Variants in B4GALT5 observed in about 807,000 individuals in gnomAD.
B4GALT5 encodes UDP-Gal:beta-GlcNAc beta-1,4-galactosyltransferase 5.
B4GALT5 carries 11 observed loss-of-function variants against 45.0 expected under a neutral mutation model. The ratio of observed to expected loss-of-function variants is 0.24; its 90% CI spans 0.15 to 0.40. The LOEUF (loss-of-function observed/expected upper bound fraction) is 0.40, where lower values mean the gene tolerates loss of function less well. B4GALT5 is among the 10% of genes least tolerant of loss of function. B4GALT5 has a pLI of 1.00. For synonymous variants in B4GALT5, 185 were observed against 182.9 expected (o/e 1.01, Z -0.09); for missense variants, 337 against 500.2 (o/e 0.67, Z 3.11).
chr20:49,706,902 G>C (rs886182756), intron 1 of B4GALT5, among the ~76,000 whole-genome samples: 1 of 152,162 alleles, frequency 6.6e-6, no homozygotes, highest in African/African-American at 2.4e-5. Context: ...GCAAAATTTA[G>C]GGAAGCAAGA....
At chr20:49,643,925 T>C (rs77744252) in intron 3 of B4GALT5, among the ~76,000 whole-genome samples, 1 of 28,774 alleles carries the variant, frequency 3.5e-5, no homozygotes, top group Non-Finnish European at 7.5e-5. Context: ...AGCTGAGCTT[T>C]TTTTTTTTTT....
At chr20:49,639,831 G>C in intron 6 of B4GALT5, 31 bp from the exon 7 acceptor site, 1 of 1,609,156 alleles carries the variant, frequency 6.2e-7, no homozygotes. Flanking sequence ...TCAATCATCT[G>C]TGTGTTACAG....
intron 1 of B4GALT5, among the ~76,000 whole-genome samples, chr20:49,706,417 T>C (rs564621411): frequency 5.3e-5 from 8 of 152,282 alleles, no homozygotes; most frequent in Non-Finnish European, 2.9e-5. Flanking sequence ...AATTCTCAAC[T>C]TTGGGCAAGT....
intron 1 of B4GALT5, among the ~76,000 whole-genome samples, chr20:49,691,003 T>G (rs1360371974): frequency 6.6e-6 from 1 of 152,224 alleles, no homozygotes; most frequent in Non-Finnish European, 1.5e-5. Flanking sequence ...TAATTTAACG[T>G]AAATTAGCAG....
At chr20:49,673,507 G>T (rs549288911) in intron 1 of B4GALT5, among the ~76,000 whole-genome samples, 1 of 152,240 alleles carries the variant, frequency 6.6e-6, no homozygotes, top group East Asian at 1.9e-4. Flanking sequence ...CAGTGGATGG[G>T]GTGAGAAAGC....
At chr20:49,690,560 AG>A (rs529720451) in intron 1 of B4GALT5, among the ~76,000 whole-genome samples, 9 of 149,372 alleles carry the variant, frequency 6.0e-5, no homozygotes, top group East Asian at 2.0e-4. Flanking sequence ...AAAAAAAAAA[AG>A]GGGGGGGTGA....
intron 1 of B4GALT5, among the ~76,000 whole-genome samples, chr20:49,682,771 T>C (rs1390935412): frequency 6.6e-6 from 1 of 151,970 alleles, no homozygotes; most frequent in Non-Finnish European, 1.5e-5. Flanking sequence ...TTAAGAGTAT[T>C]ATTAGTGAGC....
intron 1 of B4GALT5, among the ~76,000 whole-genome samples, chr20:49,696,945 A>AT (rs949699244): frequency 1.3e-5 from 2 of 152,226 alleles, no homozygotes; most frequent in Admixed American, 6.5e-5. Flanking sequence ...ACAACCTGAA[A>AT]CTATAGCTTC....
chr20:49,661,588 G>A (rs754745536), intron 1 of B4GALT5, among the ~76,000 whole-genome samples: 2 of 152,176 alleles, frequency 1.3e-5, no homozygotes, highest in African/African-American at 2.4e-5. Context: ...CTGCGCAACA[G>A]TGGCTGAATC....
In B4GALT5 at chr20:49,633,614, G is replaced by C. The variant is rs936670001; in HGVS notation, c.*2698C>G. 1 of 152,116 alleles carries C rather than the reference G, an allele frequency of 6.6e-6. No individual in the cohort carries two copies. The highest frequency in any genetic ancestry group is 1.5e-5 in the Non-Finnish European group (1 of 68,006). 9.4% of individuals were successfully genotyped at this position (152,116 alleles called of 1,614,324 possible). ...CAGACATGACCGCAAAGGTATCAAA[G>C]TGACCCCACTTTAAGCAGTGAAAAA... On this transcript the variant is annotated 3_prime_UTR_variant, in exon 9 of 9. Transcript: ENST00000371711.
At chr20:49,703,986 T>C (rs187175743) in intron 1 of B4GALT5, among the ~76,000 whole-genome samples, 135 of 152,330 alleles carry the variant, frequency 8.9e-4, no homozygotes, top group African/African-American at 2.9e-3. Flanking sequence ...CTTCCTTAGG[T>C]TGGCAATTCT....
chr20:49,637,876 T>C (rs2085560738), intron 7 of B4GALT5, among the ~76,000 whole-genome samples: 1 of 151,782 alleles, frequency 6.6e-6, no homozygotes, highest in Non-Finnish European at 1.5e-5. Context: ...GAGGCAAAGG[T>C]TGCAGTGAGC....
At position 49,636,296 on chromosome 20, in the gene B4GALT5, C is replaced by G; in HGVS notation, c.*16G>C. On this transcript the variant is annotated 3_prime_UTR_variant, in exon 9 of 9. Transcript: ENST00000371711. ...TCTTGGTGGCGGTGGGTAAAGCAAA[C>G]GTACATTCTCTCCTCTCAGTACTCG... 1 of 1,612,912 alleles carries G rather than the reference C, an allele frequency of 6.2e-7. No homozygotes were observed. Among genetic ancestry groups the G allele is most frequent in the Admixed American group, 1.7e-5 (1 of 59,854 alleles).
In B4GALT5 at chr20:49,694,652, G is replaced by A. The variant is rs868469388; in HGVS notation, c.115+18924C>T. 9.2e-4 allele frequency among the ~76,000 whole-genome samples: 105 copies of A among 113,556 alleles called. 2 individuals are homozygous for A. Among genetic ancestry groups the A allele is most frequent in the African/African-American group, 3.4e-3 (99 of 28,836 alleles). The allele number at this position is 113,556 out of a possible 152,430, so 74.5% of individuals were successfully genotyped here. On this transcript the variant is annotated intron_variant, in intron 1 of 8. Transcript: ENST00000371711. ...GCCCTGCTGAGAAGGGAAAGGGAAA[G>A]GGAAAAGGAAAGGGAAAGGGAAAGG...
At chr20:49,686,202 C>T (rs1600549716) in intron 1 of B4GALT5, among the ~76,000 whole-genome samples, 1 of 152,178 alleles carries the variant, frequency 6.6e-6, no homozygotes, top group South Asian at 2.1e-4. Context: ...ATCTTCTAAG[C>T]TGTCTTTTTC....
At chr20:49,693,323 T>A (rs1315179042) in intron 1 of B4GALT5, among the ~76,000 whole-genome samples, 1 of 152,204 alleles carries the variant, frequency 6.6e-6, no homozygotes, top group Non-Finnish European at 1.5e-5. Flanking sequence ...CTTTGCTAAG[T>A]TCTTCACTAT....
At chr20:49,681,500 C>T (rs1313186458) in intron 1 of B4GALT5, among the ~76,000 whole-genome samples, 1 of 152,116 alleles carries the variant, frequency 6.6e-6, no homozygotes, top group Non-Finnish European at 1.5e-5. Context: ...TTTCAAATAC[C>T]ACCTGTTTGC....
intron 1 of B4GALT5, among the ~76,000 whole-genome samples, chr20:49,704,775 C>A (rs1214023704): frequency 6.6e-6 from 1 of 151,896 alleles, no homozygotes; most frequent in Non-Finnish European, 1.5e-5. Flanking sequence ...TTACAACCTA[C>A]TCTTTCCGGT....
chr20:49,641,421 G>A (rs992776556), intron 5 of B4GALT5, among the ~76,000 whole-genome samples: 1 of 152,212 alleles, frequency 6.6e-6, no homozygotes, highest in African/African-American at 2.4e-5. Flanking sequence ...AACAGTCACT[G>A]AGCATGCCAG....
Sources: allele counts gnomAD v4.1 joint callset (sites outside exome capture counted in the v4.1 genomes callset), GRCh38; gene constraint gnomAD v4.1.1; transcripts MANE v1.5; gene names NCBI Gene and HGNC (gene_info 2026-07-23, HGNC 2026-07-21).